The following SCHIP1 variants were observed in gnomAD, a reference collection of about 807,000 sequenced individuals.
SCHIP1 encodes schwannomin interacting protein 1.
Under a neutral mutation model 29.7 loss-of-function variants are expected in SCHIP1, and 8 were observed. That is an observed-to-expected ratio of 0.27 (90% CI 0.16 to 0.49). SCHIP1 has a LOEUF of 0.49. Ranked by LOEUF, SCHIP1 falls within the 20% of genes least tolerant of loss-of-function variation. SCHIP1 has a pLI of 0.99. For missense variants in SCHIP1, 193 were observed against 294.6 expected (o/e 0.66, Z 2.52); for synonymous variants, 76 against 94.9 (o/e 0.80, Z 1.16).
the SCHIP1 span, among the ~76,000 whole-genome samples, chr3:159,347,723 C>T: frequency 1.3e-5 from 2 of 152,054 alleles, no homozygotes; most frequent in South Asian, 4.2e-4. Flanking sequence ...TATTTTTAAC[C>T]AAGCTTTGGG....
the SCHIP1 span, among the ~76,000 whole-genome samples, chr3:159,290,976 T>G: frequency 6.6e-6 from 1 of 152,256 alleles, no homozygotes; most frequent in South Asian, 2.1e-4. Flanking sequence ...TTCTTAGTTC[T>G]TTTCCATGAA....
At chr3:159,409,439 G>A in the SCHIP1 span, among the ~76,000 whole-genome samples, 1 of 152,042 alleles carries the variant, frequency 6.6e-6, no homozygotes, top group Non-Finnish European at 1.5e-5. Context: ...TAGTAAAATT[G>A]CAGGATACAA....
chr3:159,487,231 G>A, the SCHIP1 span, among the ~76,000 whole-genome samples: 1 of 152,186 alleles, frequency 6.6e-6, no homozygotes, highest in Non-Finnish European at 1.5e-5. Flanking sequence ...TTGCTTTGTT[G>A]TGATGTGATT....
At chr3:159,332,872 T>C in the SCHIP1 span, among the ~76,000 whole-genome samples, 1 of 152,172 alleles carries the variant, frequency 6.6e-6, no homozygotes, top group Non-Finnish European at 1.5e-5. Context: ...AGCAGTTAAG[T>C]AGATATGTTT....
chr3:159,449,448 T>C, the SCHIP1 span, among the ~76,000 whole-genome samples: 19 of 152,264 alleles, frequency 1.2e-4, no homozygotes, highest in East Asian at 3.1e-3. Context: ...TTGTTGCAAG[T>C]GAGGCTCAGG....
the SCHIP1 span, among the ~76,000 whole-genome samples, chr3:159,492,388 A>C: frequency 6.6e-6 from 1 of 152,240 alleles, no homozygotes; most frequent in East Asian, 1.9e-4. Flanking sequence ...AGAATAACCA[A>C]TGCAGAGAAG....
the SCHIP1 span, among the ~76,000 whole-genome samples, chr3:159,438,302 A>G: frequency 6.6e-6 from 1 of 152,114 alleles, no homozygotes; most frequent in African/African-American, 2.4e-5. Flanking sequence ...AGCCTGGTTG[A>G]GAAGCTCTGA....
At chr3:159,499,162 C>T in the SCHIP1 span, among the ~76,000 whole-genome samples, 1 of 152,200 alleles carries the variant, frequency 6.6e-6, no homozygotes, top group Admixed American at 6.5e-5. Context: ...TGGTTAAACT[C>T]ATAGTTCTTT....
At chr3:159,451,035 C>G in the SCHIP1 span, among the ~76,000 whole-genome samples, 2 of 152,080 alleles carry the variant, frequency 1.3e-5, no homozygotes, top group African/African-American at 4.8e-5. Flanking sequence ...GTCTTGATCT[C>G]CTGACCTCGT....
chr3:159,326,750 A>G, the SCHIP1 span, among the ~76,000 whole-genome samples: 18 of 152,300 alleles, frequency 1.2e-4, no homozygotes, highest in Non-Finnish European at 1.9e-4. Context: ...GAGGAAAGTG[A>G]TGTGCCCCAA....
intron 2 of SCHIP1, among the ~76,000 whole-genome samples, chr3:159,870,985 A>G (rs1328789824): frequency 1.3e-5 from 2 of 152,052 alleles, no homozygotes; most frequent in African/African-American, 4.8e-5. Flanking sequence ...AATATTATAC[A>G]TACTTTTTAT....
the SCHIP1 span, among the ~76,000 whole-genome samples, chr3:159,753,256 TCTG>T: frequency 2.6e-5 from 4 of 152,242 alleles, no homozygotes; most frequent in Admixed American, 2.6e-4. Context: ...CCCAGATCTC[TCTG>T]CTAAGCTCCA....
the SCHIP1 span, among the ~76,000 whole-genome samples, chr3:159,572,330 T>C: frequency 6.6e-6 from 1 of 151,826 alleles, no homozygotes. Context: ...GTCTTTGTTC[T>C]CATTGGTTTC....
chr3:159,509,382 C>T, the SCHIP1 span, among the ~76,000 whole-genome samples: 1 of 152,120 alleles, frequency 6.6e-6, no homozygotes, highest in South Asian at 2.1e-4. Context: ...AGATAGGTTT[C>T]CTGAATAGAG....
chr3:159,732,147 C>T, the SCHIP1 span, among the ~76,000 whole-genome samples: 1 of 152,166 alleles, frequency 6.6e-6, no homozygotes, highest in Admixed American at 6.5e-5. Context: ...CGCCTGGCCC[C>T]TTATTTAGGA....
chr3:159,610,258 G>A, the SCHIP1 span, among the ~76,000 whole-genome samples: 1 of 152,274 alleles, frequency 6.6e-6, no homozygotes, highest in African/African-American at 2.4e-5. Context: ...GGAGTCAGTG[G>A]TAAATAGCAG....
chr3:159,474,671 A>C, the SCHIP1 span, among the ~76,000 whole-genome samples: 4 of 152,160 alleles, frequency 2.6e-5, no homozygotes, highest in Non-Finnish European at 5.9e-5. Context: ...GAGTGAGTCC[A>C]GCCAGATGTA....
At chr3:159,563,598 G>A in the SCHIP1 span, among the ~76,000 whole-genome samples, 1 of 152,144 alleles carries the variant, frequency 6.6e-6, no homozygotes, top group East Asian at 1.9e-4. Flanking sequence ...GAAGGCCAAG[G>A]CAGGAGGATC....
chr3:159,552,584 A>G, the SCHIP1 span, among the ~76,000 whole-genome samples: 84 of 152,352 alleles, frequency 5.5e-4, no homozygotes, highest in Non-Finnish European at 8.8e-4. Context: ...TTCTAGAAAC[A>G]TTCTTTACAT....
Sources: allele counts gnomAD v4.1 joint callset (sites outside exome capture counted in the v4.1 genomes callset), GRCh38; gene constraint gnomAD v4.1.1; transcripts MANE v1.5; gene names NCBI Gene and HGNC (gene_info 2026-07-23, HGNC 2026-07-21).